SSH1: variants seen among roughly 807,000 people sequenced by gnomAD.
SSH1 encodes protein phosphatase Slingshot homolog 1.
SSH1 carries 43 observed loss-of-function variants against 79.7 expected under a neutral mutation model. The observed-to-expected ratio is 0.54, with a 90% CI of 0.42 to 0.70. The LOEUF (loss-of-function observed/expected upper bound fraction) is 0.70, where lower values mean the gene tolerates loss of function less well. Ranked by LOEUF, SSH1 falls within the 30% of genes least tolerant of loss-of-function variation. The probability of loss-of-function intolerance (pLI) is 0.00; values close to 1 mark genes in which losing one functional copy is unlikely to be tolerated. For synonymous variants in SSH1, 599 were observed against 538.3 expected (o/e 1.11, Z -1.56); for missense variants, 1,206 against 1,358.8 (o/e 0.89, Z 1.77).
At chr12:108,841,296 G>A (rs1442164585) in intron 2 of SSH1, among the ~76,000 whole-genome samples, 2 of 152,236 alleles carry the variant, frequency 1.3e-5, no homozygotes, top group Non-Finnish European at 2.9e-5. Flanking sequence ...GCACGCTCAC[G>A]CAATGTGCTA....
chr12:108,846,452 G>A (rs1000481037), intron 2 of SSH1, among the ~76,000 whole-genome samples: 1 of 152,206 alleles, frequency 6.6e-6, no homozygotes, highest in Non-Finnish European at 1.5e-5. Context: ...AGGGCCATCT[G>A]CTCACCAATT....
intron 5 of SSH1, among the ~76,000 whole-genome samples, 182 bp downstream of exon 5, chr12:108,816,856 C>T (rs566926371): frequency 6.6e-6 from 1 of 152,318 alleles, no homozygotes; most frequent in African/African-American, 2.4e-5. Context: ...GGAGCTGGCA[C>T]GGTGCCTGGC....
intron 1 of SSH1, among the ~76,000 whole-genome samples, chr12:108,854,730 T>C (rs545207337): frequency 1.3e-5 from 2 of 152,308 alleles, no homozygotes; most frequent in African/African-American, 4.8e-5. Flanking sequence ...AGGTCAGTTA[T>C]TCCAGGGAAA....
At chr12:108,842,004 C>T (rs2038790147) in intron 2 of SSH1, among the ~76,000 whole-genome samples, 2 of 152,004 alleles carry the variant, frequency 1.3e-5, no homozygotes, top group Admixed American at 1.3e-4. Context: ...TGGTGTGCAC[C>T]TGTGGTCCCA....
chr12:108,848,267 G>C (rs1450677372), intron 2 of SSH1, among the ~76,000 whole-genome samples: 1 of 152,168 alleles, frequency 6.6e-6, no homozygotes, highest in Non-Finnish European at 1.5e-5. Context: ...AAAGAAGGCA[G>C]GTGGCTCGGA....
intron 11 of SSH1, 44 bp from the exon 12 acceptor site, chr12:108,800,970 T>C: frequency 6.3e-7 from 1 of 1,583,792 alleles, no homozygotes; most frequent in Non-Finnish European, 8.6e-7. Flanking sequence ...ACAATCTGAA[T>C]GAGAAAGAAA....
intron 13 of SSH1, among the ~76,000 whole-genome samples, chr12:108,797,102 A>C (rs956334455): frequency 2.0e-5 from 3 of 152,016 alleles, no homozygotes; most frequent in African/African-American, 7.3e-5. Flanking sequence ...TAACATCCAC[A>C]TTAAGGTGAG....
intron 2 of SSH1, among the ~76,000 whole-genome samples, chr12:108,833,491 G>A (rs773593322): frequency 7.2e-5 from 11 of 152,174 alleles, no homozygotes; most frequent in Non-Finnish European, 1.2e-4. Context: ...CCCTGTCTAT[G>A]GTATGCAGCC....
chr12:108,827,358 G>A (rs2038351131), intron 2 of SSH1: 2 of 1,545,368 alleles, frequency 1.3e-6, no homozygotes, highest in Admixed American at 2.0e-5. Context: ...TGGCTGCAGT[G>A]CTCACATCTC....
rs769119315 is a variant in SSH1, at chr12:108,807,686, G to A, written c.678C>T (p.Ala226=). The A allele has an allele frequency of 6.2e-7, 1 of 1,613,250 alleles. No individual in the cohort carries two copies. Among genetic ancestry groups the A allele is most frequent in the Non-Finnish European group, 8.5e-7 (1 of 1,179,528 alleles). ...SEQSCINEWN[A]MQDLESTRPD... is the part of the protein sequence containing the mutation. ...GCCGCGTAGACTCCAGGTCCTGCAT[G>A]GCGTTCCACTCGTTGATGCAGCTCT... The change falls in exon 8 of 15, where the codon GCC becomes GCT. Residue 226 remains alanine, a synonymous_variant. Transcript: ENST00000326495. The surrounding 1 kb of genome is among the most constrained non-coding windows in gnomAD (Gnocchi z 5.2).
intron 2 of SSH1, among the ~76,000 whole-genome samples, chr12:108,831,549 C>A (rs529529020): frequency 6.6e-6 from 1 of 152,000 alleles, no homozygotes; most frequent in East Asian, 1.9e-4. Flanking sequence ...ACAGTAACTT[C>A]GATATAAGGC....
chr12:108,779,673 TTTTC>T lies in SSH1; in HGVS notation c.*8311_*8314del, dbSNP rs1201250564. On this transcript the variant is annotated 3_prime_UTR_variant, in exon 15 of 15. Transcript: ENST00000326495. Reference sequence around the variant, plus strand: ...AAAAAGGACTCTCCTCTACCTTTTTTTTTCTTTTTTTTGTTTTTTGAGACAGAGT... The same window carrying T: ...AAAAAGGACTCTCCTCTACCTTTTTTTTTTTTTTGTTTTTTGAGACAGAGT... 1.3e-5 allele frequency: 2 copies of T among 152,016 alleles called. No individual in the cohort carries two copies. The highest frequency in any genetic ancestry group is 2.4e-5 in the African/African-American group (1 of 41,374). 9.4% of individuals were successfully genotyped at this position (152,016 alleles called of 1,614,324 possible). A position where few individuals can be genotyped will look rare whatever the true frequency, so the allele number is the denominator to read the frequency against.
chr12:108,814,022 G>A (rs1416180340), intron 5 of SSH1, among the ~76,000 whole-genome samples: 1 of 152,020 alleles, frequency 6.6e-6, no homozygotes, highest in African/African-American at 2.4e-5. Flanking sequence ...TCAGTAGTTC[G>A]AGACCAGCCT....
At position 108,787,860 on chromosome 12, in the gene SSH1, G is replaced by C; in HGVS notation, c.*128C>G. 8.2e-7 allele frequency: 1 copy of C among 1,217,630 alleles called. No homozygotes were observed. Among genetic ancestry groups the C allele is most frequent in the Non-Finnish European group, 1.2e-6 (1 of 856,242 alleles). The allele number at this position is 1,217,630 out of a possible 1,614,324, so 75.4% of individuals were successfully genotyped here. Reference sequence around the variant, plus strand: ...TCCTCCTCTCTATGGCAAGAGTAGGGGAAAAGTTAGGATGACTTCACTCGT... The same window carrying C: ...TCCTCCTCTCTATGGCAAGAGTAGGCGAAAAGTTAGGATGACTTCACTCGT... On this transcript the variant is annotated 3_prime_UTR_variant, in exon 15 of 15. Coordinates refer to ENST00000326495, the MANE Select transcript of SSH1 (RefSeq NM_018984.4).
At chr12:108,809,360 G>T (rs184642045) in intron 7 of SSH1, among the ~76,000 whole-genome samples, 1 of 151,470 alleles carries the variant, frequency 6.6e-6, no homozygotes, top group African/African-American at 2.4e-5. Context: ...GGGAGGCTGA[G>T]GCAGGAGGAT....
Position 108,811,327 on chromosome 12 carries a change from T to G in SSH1, c.403A>C (p.Lys135Gln). The G allele has an allele frequency of 1.2e-6, 2 of 1,614,210 alleles. No individual in the cohort carries two copies. Among genetic ancestry groups the G allele is most frequent in the Non-Finnish European group, 1.7e-6 (2 of 1,180,020 alleles). The part of the protein sequence containing the change: ...LGVDFSSKES[K>Q]SCTIGMVLRL... Reference sequence around the variant, plus strand: ...AGAACCATCCCAATGGTGCAGCTTTTACTGCGATGGGGGAGAGAAGACATG... The same window carrying G: ...AGAACCATCCCAATGGTGCAGCTTTGACTGCGATGGGGGAGAGAAGACATG... Residue 135 changes from lysine to glutamine, a missense_variant and splice_region_variant, in exon 6 of 15, where the codon AAA (lysine) becomes CAA (glutamine). Physicochemically the swap from Lys to Gln is moderately conservative, Grantham distance 53 (BLOSUM62 1). Transcript: ENST00000326495.
chr12:108,817,857 T>C (rs2037962272), intron 4 of SSH1, among the ~76,000 whole-genome samples: 1 of 152,050 alleles, frequency 6.6e-6, no homozygotes, highest in Non-Finnish European at 1.5e-5. Context: ...TAAAAGCTTT[T>C]CCCCTTATCA....
At chr12:108,815,732 C>T (rs1332518364) in intron 5 of SSH1, among the ~76,000 whole-genome samples, 1 of 152,180 alleles carries the variant, frequency 6.6e-6, no homozygotes, top group Non-Finnish European at 1.5e-5. Context: ...GTTCTTCTAG[C>T]CCCAGGTTCC....
At chr12:108,816,437 T>C (rs1396471120) in intron 5 of SSH1, among the ~76,000 whole-genome samples, 1 of 152,250 alleles carries the variant, frequency 6.6e-6, no homozygotes, top group Non-Finnish European at 1.5e-5. Flanking sequence ...TCATTTATCT[T>C]GTGATGTCAG....
Sources: allele counts gnomAD v4.1 joint callset (sites outside exome capture counted in the v4.1 genomes callset), GRCh38; gene constraint gnomAD v4.1.1; non-coding constraint Gnocchi (gnomAD v3.1); transcripts MANE v1.5; gene names NCBI Gene and HGNC (gene_info 2026-07-23, HGNC 2026-07-21).